The following OR10Z1 variants were observed in gnomAD, a reference collection of about 807,000 sequenced individuals.
OR10Z1 encodes olfactory receptor family 10 subfamily Z member 1, also known as olfactory receptor 10Z1.
For synonymous variants in OR10Z1, 187 were observed against 151.2 expected (o/e 1.24, Z -1.74); for missense variants, 468 against 371.0 (o/e 1.26, Z -2.15).
rs372146135 is a variant in OR10Z1 at position 158,607,194 on chromosome 1, T to C, written c.756T>C (p.Tyr252=). 8 of 1,614,024 alleles carry C rather than the reference T, an allele frequency of 5.0e-6. No homozygotes were observed. The African/African-American group carries it at 1.1e-4, about 22-fold the overall frequency. Residue 252 remains tyrosine, a synonymous_variant, in exon 2 of 2, where the codon TAT becomes TAC. Coordinates refer to ENST00000641002, the MANE Select transcript of OR10Z1 (RefSeq NM_001004478.2). The part of the protein sequence containing the change: ...ASHLTVVIIH[Y]GCASFVYLRP... ...ACCTTACAGTGGTCATTATTCATTATGGCTGTGCTTCCTTCGTGTACCTGA... is the reference window on the plus strand; with the variant it reads ...ACCTTACAGTGGTCATTATTCATTACGGCTGTGCTTCCTTCGTGTACCTGA...
chr1:158,608,141 A>G lies in OR10Z1; in HGVS notation c.*761A>G, dbSNP rs1370946988. On this transcript the variant is annotated 3_prime_UTR_variant, in exon 2 of 2. Coordinates refer to ENST00000641002, the MANE Select transcript of OR10Z1 (RefSeq NM_001004478.2). ...GCACTCTATTTCAGAAAATATATTT[A>G]CTTCCTATTTTTTTTTATAACTGTT... The G allele has an allele frequency of 6.6e-6, 1 of 151,894 alleles. No individual in the cohort carries two copies. Among genetic ancestry groups the G allele is most frequent in the Admixed American group, 6.6e-5 (1 of 15,226 alleles). 9.4% of individuals were successfully genotyped at this position (151,894 alleles called of 1,614,324 possible).
At position 158,610,919 on chromosome 1, in the gene OR10Z1, A is replaced by G. The variant is rs1571362488; in HGVS notation, c.*3539A>G. The G allele has an allele frequency of 9.5e-6, 2 of 211,232 alleles. No individual in the cohort carries two copies. Among genetic ancestry groups the G allele is most frequent in the East Asian group, 2.4e-4 (2 of 8,384 alleles). The allele number at this position is 211,232 out of a possible 1,614,324, so 13.1% of individuals were successfully genotyped here. ...TAACTTTGCCCCAAAAAATATTTTT[A>G]AAAAGAATTACTTTATTCTATAATC... On this transcript the variant is annotated 3_prime_UTR_variant, in exon 2 of 2. Coordinates refer to ENST00000641002, the MANE Select transcript of OR10Z1 (RefSeq NM_001004478.2).
In OR10Z1 at chr1:158,607,377, A is replaced by G; in HGVS notation, c.939A>G (p.Gly313=). 6.2e-7 allele frequency: 1 copy of G among 1,609,994 alleles called. No individual in the cohort carries two copies. The highest frequency in any genetic ancestry group is 8.5e-7 in the Non-Finnish European group (1 of 1,176,966). ...NAFRGRLLGK[G] ...TCAGAGGGAGATTGCTGGGTAAAGGATGAAGGTTACCCCAATAGGACACTT... is the reference window on the plus strand; with the variant it reads ...TCAGAGGGAGATTGCTGGGTAAAGGGTGAAGGTTACCCCAATAGGACACTT... The change falls in exon 2 of 2, where the codon GGA becomes GGG. Residue 313 remains glycine (G), a synonymous_variant. Transcript: ENST00000641002.
In OR10Z1 at chr1:158,607,023, T is replaced by C. The variant is rs111691088; in HGVS notation, c.585T>C (p.Ser195=). The C allele has an allele frequency of 1.4e-5, 23 of 1,614,028 alleles. No individual in the cohort carries two copies. The highest frequency in any genetic ancestry group is 1.6e-4 in the Middle Eastern group (1 of 6,062). ...TAGCCTGTGGAGATACAGGCCCGAG[T>C]GAGCTGAGGATCTTTATCCTCAGTC... The part of the protein sequence containing the change: ...LSLACGDTGP[S]ELRIFILSLL... Residue 195 remains serine (S), a synonymous_variant, in exon 2 of 2, where the codon AGT becomes AGC. Transcript: ENST00000641002.
Position 158,609,169 on chromosome 1 carries a change from G to C in OR10Z1, c.*1789G>C, listed in dbSNP as rs1250704290. ...GATAGAAGTGGGGCATGGCTTGAGA[G>C]ACAAGGAAAGACCTTAGGCCGAGAA... On this transcript the variant is annotated 3_prime_UTR_variant, in exon 2 of 2. Transcript: ENST00000641002. 1 of 152,146 alleles carries C rather than the reference G, an allele frequency of 6.6e-6. No homozygotes were observed. Among genetic ancestry groups the C allele is most frequent in the African/African-American group, 2.4e-5 (1 of 41,438 alleles). 9.4% of individuals were successfully genotyped at this position (152,146 alleles called of 1,614,324 possible).
chr1:158,607,320 T>C lies in OR10Z1; in HGVS notation c.882T>C (p.Asn294=). 6.2e-7 allele frequency: 1 copy of C among 1,613,924 alleles called. No individual in the cohort carries two copies. The highest frequency in any genetic ancestry group is 8.5e-7 in the Non-Finnish European group (1 of 1,179,860). ...LLNPIVYSLR[N]RAIQTALRNA... ...ATCCCATTGTTTATAGTCTAAGGAA[T>C]AGGGCTATACAGACAGCTCTGAGGA... is the stretch of plus-strand genomic sequence containing the variant. The change falls in exon 2 of 2, where the codon AAT becomes AAC. Residue 294 remains asparagine (N), a synonymous_variant. Transcript: ENST00000641002.
rs146841755 is a variant in OR10Z1 at position 158,606,735 on chromosome 1, C to A, written c.297C>A (p.Ala99=). ...CTATCTCCTATGTGGGCTGTGCTGC[C>A]CAGATGTTCTTTTCTGCCTCATGGG... The part of the protein sequence containing the change: ...DQAISYVGCA[A]QMFFSASWAC... Residue 99 remains alanine, a synonymous_variant, in exon 2 of 2, where the codon GCC becomes GCA. Transcript: ENST00000641002. The A allele has an allele frequency of 5.6e-6, 9 of 1,613,900 alleles. No individual in the cohort carries two copies. The African/African-American group carries it at 1.1e-4, about 19-fold the overall frequency.
Position 158,612,372 on chromosome 1 carries a change from G to T in OR10Z1, c.*4992G>T. ...GAGAGAAGAGAGATTACTTCTGGTT[G>T]TAATAAAATTCCCCACATCTTTGTT... On this transcript the variant is annotated 3_prime_UTR_variant, in exon 2 of 2. Transcript: ENST00000641002. 4.5e-6 allele frequency: 1 copy of T among 222,678 alleles called. No individual in the cohort carries two copies. The highest frequency in any genetic ancestry group is 9.0e-6 in the Non-Finnish European group (1 of 111,226). The allele number at this position is 222,678 out of a possible 1,614,324, so 13.8% of individuals were successfully genotyped here. A position where few individuals can be genotyped will look rare whatever the true frequency, so the allele number is the denominator to read the frequency against.
chr1:158,611,305 A>G lies in OR10Z1; in HGVS notation c.*3925A>G, dbSNP rs754680594. On this transcript the variant is annotated 3_prime_UTR_variant, in exon 2 of 2. Coordinates refer to ENST00000641002, the MANE Select transcript of OR10Z1 (RefSeq NM_001004478.2). ...GAATTGGTGAAGCCAACGTAGTCAT[A>G]GCCAGAGAGATGGCTTCGACCCCGT... is the stretch of plus-strand genomic sequence containing the variant. 12 of 1,613,778 alleles carry G rather than the reference A, an allele frequency of 7.4e-6. No individual in the cohort carries two copies. The Admixed American group carries it at 1.7e-4, about 22-fold the overall frequency.
rs1649133982 is a variant in OR10Z1 at position 158,609,008 on chromosome 1, A to G, written c.*1628A>G. ...CAGTAGAGAGAAACCAGAGGCAAGG[A>G]GATCAGCAAGAAACCCATGGATATC... On this transcript the variant is annotated 3_prime_UTR_variant, in exon 2 of 2. Transcript: ENST00000641002. The G allele has an allele frequency of 6.6e-6, 1 of 152,286 alleles. No individual in the cohort carries two copies. 9.4% of individuals were successfully genotyped at this position (152,286 alleles called of 1,614,324 possible).
At position 158,607,399 on chromosome 1, in the gene OR10Z1, A is replaced by G. The variant is rs377159488; in HGVS notation, c.*19A>G. 6.3e-7 allele frequency: 1 copy of G among 1,586,548 alleles called. No individual in the cohort carries two copies. The highest frequency in any genetic ancestry group is 1.1e-5 in the South Asian group (1 of 89,048). ...AGGATGAAGGTTACCCCAATAGGAC[A>G]CTTTCTTCTGTGTAGGCTGGGCATA... On this transcript the variant is annotated 3_prime_UTR_variant, in exon 2 of 2. Coordinates refer to ENST00000641002, the MANE Select transcript of OR10Z1 (RefSeq NM_001004478.2).
Position 158,608,852 on chromosome 1 carries a change from T to C in OR10Z1, c.*1472T>C, listed in dbSNP as rs1455325092. The C allele has an allele frequency of 1.3e-5, 2 of 152,134 alleles. No homozygotes were observed. Among genetic ancestry groups the C allele is most frequent in the Non-Finnish European group, 2.9e-5 (2 of 68,030 alleles). The allele number at this position is 152,134 out of a possible 1,614,324, so 9.4% of individuals were successfully genotyped here. On this transcript the variant is annotated 3_prime_UTR_variant, in exon 2 of 2. Transcript: ENST00000641002. Reference sequence around the variant, plus strand: ...AGTCATGACTTACTTGTTGAAATAATTTGAATACCTTGCTTCAGACATGGT... The same window carrying C: ...AGTCATGACTTACTTGTTGAAATAACTTGAATACCTTGCTTCAGACATGGT...
chr1:158,606,874 A>C lies in OR10Z1; in HGVS notation c.436A>C (p.Ile146Leu). 1 of 1,613,918 alleles carries C rather than the reference A, an allele frequency of 6.2e-7. No individual in the cohort carries two copies. The highest frequency in any genetic ancestry group is 8.5e-7 in the Non-Finnish European group (1 of 1,179,958). ...MNPTLCAQLV[I>L]TSFLTGYLFG... The stretch of plus-strand genomic sequence containing the variant: ...TCCTACCCTCTGTGCCCAGCTGGTC[A>C]TTACTTCCTTCCTGACTGGATACCT... Residue 146 changes from isoleucine to leucine, a missense_variant, in exon 2 of 2, where the codon ATT becomes CTT. Coordinates refer to ENST00000641002, the MANE Select transcript of OR10Z1 (RefSeq NM_001004478.2).
In OR10Z1 at chr1:158,607,892, T is replaced by C. The variant is rs1473972943; in HGVS notation, c.*512T>C. 6.6e-6 allele frequency: 1 copy of C among 152,488 alleles called. No individual in the cohort carries two copies. Among genetic ancestry groups the C allele is most frequent in the Admixed American group, 6.5e-5 (1 of 15,304 alleles). The allele number at this position is 152,488 out of a possible 1,614,324, so 9.4% of individuals were successfully genotyped here. ...TTTAAAGCTTTGTTAAATGAACAGG[T>C]GGGTCATTTTTACTCCCACTGGGTG... is the stretch of plus-strand genomic sequence containing the variant. On this transcript the variant is annotated 3_prime_UTR_variant, in exon 2 of 2. Coordinates refer to ENST00000641002, the MANE Select transcript of OR10Z1 (RefSeq NM_001004478.2).
In OR10Z1 at chr1:158,607,098, C is replaced by T. The variant is rs1020506046; in HGVS notation, c.660C>T (p.Tyr220=). The change falls in exon 2 of 2, where the codon TAC becomes TAT. Residue 220 remains tyrosine, a synonymous_variant. Coordinates refer to ENST00000641002, the MANE Select transcript of OR10Z1 (RefSeq NM_001004478.2). ...TCTTCATCACCATCTCCTACGCCTA[C>T]ATCTTGGCAGCAATACTGAGGATCC... ...SFFFITISYA[Y]ILAAILRIPS... 1.2e-6 allele frequency: 2 copies of T among 1,613,968 alleles called. No homozygotes were observed. The highest frequency in any genetic ancestry group is 2.2e-5 in the East Asian group (1 of 44,886).
rs372626021 is a variant in OR10Z1, at chr1:158,606,867, G to A, written c.429G>A (p.Gln143=). ...ASHMNPTLCA[Q]LVITSFLTGY... ...ACATGAATCCTACCCTCTGTGCCCA[G>A]CTGGTCATTACTTCCTTCCTGACTG... The change falls in exon 2 of 2, where the codon CAG becomes CAA. Residue 143 remains glutamine (Q), a synonymous_variant. Transcript: ENST00000641002. 4.3e-6 allele frequency: 7 copies of A among 1,614,036 alleles called. No homozygotes were observed. In the East Asian group the frequency reaches 1.3e-4, roughly 31 times the overall value.
rs1046016328 is a variant in OR10Z1, at chr1:158,607,975, T to C, written c.*595T>C. ...ATTTCAACTATTATTTCATATACAGTGGGGCACATGTGCTTATACATTCCT... is the reference window on the plus strand; with the variant it reads ...ATTTCAACTATTATTTCATATACAGCGGGGCACATGTGCTTATACATTCCT... On this transcript the variant is annotated 3_prime_UTR_variant, in exon 2 of 2. Coordinates refer to ENST00000641002, the MANE Select transcript of OR10Z1 (RefSeq NM_001004478.2). 1.3e-5 allele frequency: 2 copies of C among 152,240 alleles called. No individual in the cohort carries two copies. Among genetic ancestry groups the C allele is most frequent in the African/African-American group, 2.4e-5 (1 of 41,418 alleles). 9.4% of individuals were successfully genotyped at this position (152,240 alleles called of 1,614,324 possible).
chr1:158,605,995 C>T (rs542112586), intron 1 of OR10Z1, among the ~76,000 whole-genome samples: 1 of 152,266 alleles, frequency 6.6e-6, no homozygotes, highest in African/African-American at 2.4e-5. Context: ...AATTTGCATG[C>T]TATCTATATA....
rs1286367118 is a variant in OR10Z1 at position 158,612,263 on chromosome 1, A to G, written c.*4883A>G. On this transcript the variant is annotated 3_prime_UTR_variant, in exon 2 of 2. Transcript: ENST00000641002. ...TTGATGAGTTCCTGCACGTCCTTCA[A>G]CACTCACCCTGTGTTAATCATAGAT... 2 of 169,008 alleles carry G rather than the reference A, an allele frequency of 1.2e-5. No homozygotes were observed. The highest frequency in any genetic ancestry group is 4.8e-5 in the African/African-American group (2 of 41,546). The allele number at this position is 169,008 out of a possible 1,614,324, so 10.5% of individuals were successfully genotyped here.
Sources: gnomAD v4.1 joint callset for allele counts (sites outside exome capture counted in the v4.1 genomes callset) on GRCh38, gnomAD v4.1.1 for gene constraint, MANE v1.5 for transcripts, NCBI Gene and HGNC (gene_info 2026-07-23, HGNC 2026-07-21) for gene names.